Variants in UNC13C observed in about 807,000 individuals in gnomAD.
UNC13C encodes the protein unc-13 homolog C.
A neutral mutation model predicts 245.4 loss-of-function variants in UNC13C; 174 were observed. The observed-to-expected ratio is 0.71, with a 90% confidence interval of 0.63 to 0.80. UNC13C has a LOEUF of 0.80. UNC13C is among the 30% of genes least tolerant of loss of function. UNC13C has a pLI of 0.00. For missense variants in UNC13C, 2,829 were observed against 2,602.9 expected (o/e 1.09, Z -1.89); for synonymous variants, 992 against 895.1 (o/e 1.11, Z -1.93).
At chr15:54,260,794 GATT>G (rs1367411463) in intron 8 of UNC13C, among the ~76,000 whole-genome samples, 1 of 148,990 alleles carries the variant, frequency 6.7e-6, no homozygotes, top group Non-Finnish European at 1.5e-5. Context: ...TCTATTTTTA[GATT>G]ATATCTATAA....
At position 54,451,300 on chromosome 15, in the gene UNC13C, T is replaced by G. The variant is rs1315563118; in HGVS notation, c.4933+36233T>G. Among the ~76,000 whole-genome samples, 3 of 152,114 alleles carry G rather than the reference T, an allele frequency of 2.0e-5. No individual in the cohort carries two copies. In the East Asian group the frequency reaches 5.8e-4, roughly 29 times the overall value. On this transcript the variant is annotated intron_variant, in intron 19 of 32. Transcript: ENST00000260323. Reference sequence around the variant, plus strand: ...GGGTGTAGTATTTTTGGTGGATACTTTTTTCAGCCTTTTGAATATAACATC... The same window carrying G: ...GGGTGTAGTATTTTTGGTGGATACTGTTTTCAGCCTTTTGAATATAACATC...
rs1486264481 is a variant in UNC13C, at chr15:54,536,372, A to C, written c.5696+3306A>C. 2.0e-5 allele frequency among the ~76,000 whole-genome samples: 3 copies of C among 152,116 alleles called. No homozygotes were observed. In the East Asian group the frequency reaches 5.8e-4, roughly 29 times the overall value. ...TACCAACCAGAAAAGGCCCTGGAGCAGATGGATTCACAGCCAAATTTTATG... is the reference window on the plus strand; with the variant it reads ...TACCAACCAGAAAAGGCCCTGGAGCCGATGGATTCACAGCCAAATTTTATG... On this transcript the variant is annotated intron_variant, in intron 26 of 32. Transcript: ENST00000260323.
chr15:54,468,800 C>T (rs1892308104), intron 19 of UNC13C, among the ~76,000 whole-genome samples: 1 of 151,452 alleles, frequency 6.6e-6, no homozygotes, highest in African/African-American at 2.4e-5. Flanking sequence ...TGTTCCATTG[C>T]TTAGTATATC....
chr15:54,103,549 C>G (rs1276121031), intron 2 of UNC13C, among the ~76,000 whole-genome samples: 34 of 152,188 alleles, frequency 2.2e-4, no homozygotes. Context: ...TTTGTCAGTG[C>G]AAACCCAACA....
chr15:53,887,500 T>C, the UNC13C span, among the ~76,000 whole-genome samples: 1 of 152,306 alleles, frequency 6.6e-6, no homozygotes, highest in South Asian at 2.1e-4. Context: ...TTTTTGCTTT[T>C]TAATAAGTTG....
At chr15:53,883,983 C>T in the UNC13C span, among the ~76,000 whole-genome samples, 1 of 152,238 alleles carries the variant, frequency 6.6e-6, no homozygotes, top group South Asian at 2.1e-4. Context: ...TTCTGTTTTT[C>T]TCTCTACTAT....
intron 17 of UNC13C, among the ~76,000 whole-genome samples, chr15:54,377,415 A>G (rs185494580): frequency 9.8e-5 from 15 of 152,338 alleles, no homozygotes; most frequent in African/African-American, 3.6e-4. Context: ...TACCCAAGAA[A>G]AAGGAGGAAC....
chr15:54,535,716 C>T (rs1895956578), intron 26 of UNC13C, among the ~76,000 whole-genome samples: 1 of 152,064 alleles, frequency 6.6e-6, no homozygotes, highest in African/African-American at 2.4e-5. Context: ...TATACAATTA[C>T]ATGGAAATTA....
intron 25 of UNC13C, among the ~76,000 whole-genome samples, chr15:54,526,438 A>G (rs1312218767): frequency 6.6e-6 from 1 of 152,160 alleles, no homozygotes; most frequent in Non-Finnish European, 1.5e-5. Context: ...GACTATAAAG[A>G]TTGCTCTTCA....
intron 24 of UNC13C, among the ~76,000 whole-genome samples, chr15:54,518,219 T>A (rs923138504): frequency 6.6e-6 from 1 of 152,212 alleles, no homozygotes; most frequent in Non-Finnish European, 1.5e-5. Flanking sequence ...TACTACCACA[T>A]AAAGTTTAGC....
chr15:54,138,331 T>C (rs1247661082), intron 2 of UNC13C, among the ~76,000 whole-genome samples: 1 of 152,154 alleles, frequency 6.6e-6, no homozygotes, highest in Non-Finnish European at 1.5e-5. Context: ...TAACAGAATC[T>C]TGGAAAATAT....
chr15:53,895,038 GC>G, the UNC13C span, among the ~76,000 whole-genome samples: 172 of 151,730 alleles, frequency 1.1e-3, 1 homozygote, highest in Non-Finnish European at 1.0e-4. Context: ...CATGAATAAA[GC>G]TTTTACTGTT....
At chr15:54,057,603 A>C (rs1231314504) in intron 2 of UNC13C, among the ~76,000 whole-genome samples, 5 of 152,194 alleles carry the variant, frequency 3.3e-5, no homozygotes, top group South Asian at 4.1e-4. Context: ...GCTCTGCACC[A>C]AGTGGACCTA....
the UNC13C span, among the ~76,000 whole-genome samples, chr15:53,845,316 G>C: frequency 5.7e-3 from 331 of 58,292 alleles, 2 homozygotes; most frequent in African/African-American, 0.015. Flanking sequence ...CAGAGCGAGA[G>C]TCTCTCAAAA....
intron 17 of UNC13C, among the ~76,000 whole-genome samples, chr15:54,348,447 G>A (rs113998563): frequency 5.2e-4 from 79 of 152,186 alleles, no homozygotes; most frequent in African/African-American, 1.9e-3. Flanking sequence ...TGAATTTGTA[G>A]CATATAACAC....
chr15:54,544,443 C>G (rs1896394270), intron 26 of UNC13C, among the ~76,000 whole-genome samples: 1 of 152,096 alleles, frequency 6.6e-6, no homozygotes, highest in African/African-American at 2.4e-5. Context: ...GAAGTTCTGG[C>G]CAGGGCAATG....
intron 13 of UNC13C, among the ~76,000 whole-genome samples, chr15:54,318,042 T>C (rs981565492): frequency 6.6e-6 from 1 of 151,992 alleles, no homozygotes; most frequent in Non-Finnish European, 1.5e-5. Context: ...GGTTCATCCA[T>C]GTTGTTGCAA....
At chr15:54,556,410 C>T (rs762143716) in intron 29 of UNC13C, among the ~76,000 whole-genome samples, 14 of 152,006 alleles carry the variant, frequency 9.2e-5, no homozygotes, top group Non-Finnish European at 1.9e-4. Context: ...ACTGTCACCT[C>T]GTGGCTTTTG....
chr15:54,368,170 A>T (rs1242614171), intron 17 of UNC13C, among the ~76,000 whole-genome samples: 3 of 151,886 alleles, frequency 2.0e-5, no homozygotes, highest in African/African-American at 7.3e-5. Flanking sequence ...TTGACACTTT[A>T]CCCTATGTTT....
Sources: allele counts gnomAD v4.1 joint callset (sites outside exome capture counted in the v4.1 genomes callset), GRCh38; gene constraint gnomAD v4.1.1; transcripts MANE v1.5; gene names NCBI Gene and HGNC (gene_info 2026-07-23, HGNC 2026-07-21).